DNAJC13: variants seen among roughly 807,000 people sequenced by gnomAD.
DNAJC13 encodes the protein dnaJ homolog subfamily C member 13.
In DNAJC13, 75 loss-of-function variants were observed where a neutral mutation model predicts 290.5. The observed-to-expected ratio is 0.26, with a 90% CI of 0.21 to 0.31. The LOEUF (loss-of-function observed/expected upper bound fraction) is 0.31, where lower values mean the gene tolerates loss of function less well. Ranked by LOEUF, DNAJC13 falls within the 10% of genes least tolerant of loss-of-function variation. DNAJC13 has a pLI of 1.00. For missense variants in DNAJC13, 2,260 were observed against 2,674.5 expected, an observed-to-expected ratio of 0.85 and a Z score of 3.42; for synonymous variants, 862 against 892.0, an observed-to-expected ratio of 0.97 and a Z score of 0.60.
chr3:132,474,097 C>T (rs139703670), intron 21 of DNAJC13, among the ~76,000 whole-genome samples: 2,870 of 152,232 alleles, frequency 0.019, 49 homozygotes, highest in Non-Finnish European at 0.026. Context: ...TGGCAGTTTG[C>T]AGTATTCTTT....
chr3:132,533,412 C>T (rs570380951), intron 55 of DNAJC13, among the ~76,000 whole-genome samples: 19 of 150,230 alleles, frequency 1.3e-4, no homozygotes, highest in African/African-American at 2.5e-4. Flanking sequence ...CTCAGCTCAC[C>T]GCAACCTTTG....
In DNAJC13 at chr3:132,500,342, G is replaced by A. The variant is rs550878076; in HGVS notation, c.4417-452G>A. ...AGTTCCATCCTCTATTTTGAAGTCC[G>A]TTGTGTAAACAGAATTGTGATATTC... On this transcript the variant is annotated intron_variant, in intron 38 of 55. Transcript: ENST00000260818. 5.0e-4 allele frequency among the ~76,000 whole-genome samples: 76 copies of A among 152,268 alleles called. 2 individuals carry two copies. The South Asian group carries it at 0.015, about 30-fold the overall frequency.
intron 5 of DNAJC13, among the ~76,000 whole-genome samples, chr3:132,449,423 A>G (rs1411984358): frequency 6.6e-6 from 1 of 152,198 alleles, no homozygotes; most frequent in Non-Finnish European, 1.5e-5. Context: ...AAGCTCCACA[A>G]TTTTTGTGCC....
chr3:132,494,403 A>T (rs1049755875), intron 34 of DNAJC13, 144 bp downstream of exon 34: 12 of 673,058 alleles, frequency 1.8e-5, no homozygotes, highest in African/African-American at 1.1e-4. Context: ...ATATGGAACT[A>T]TATCTGTGTG....
chr3:132,442,261 TG>T (rs1314775402), intron 2 of DNAJC13, among the ~76,000 whole-genome samples: 2 of 152,102 alleles, frequency 1.3e-5, no homozygotes, highest in Admixed American at 1.3e-4. Context: ...CCTCTCGATG[TG>T]CTGAGATTAC....
intron 55 of DNAJC13, among the ~76,000 whole-genome samples, chr3:132,533,283 C>T (rs1018552097): frequency 8.6e-5 from 13 of 150,872 alleles, no homozygotes; most frequent in Admixed American, 2.0e-4. Flanking sequence ...CTGCCCACTT[C>T]GGCTTCCCAA....
At chr3:132,485,820 G>A (rs1934851808) in intron 29 of DNAJC13, among the ~76,000 whole-genome samples, 2 of 152,062 alleles carry the variant, frequency 1.3e-5, no homozygotes, top group Admixed American at 1.3e-4. Context: ...GCATTATTCT[G>A]CTTTTTTGGA....
chr3:132,520,125 GAC>G (rs146953948), intron 48 of DNAJC13, among the ~76,000 whole-genome samples: 2,097 of 152,278 alleles, frequency 0.014, 47 homozygotes, highest in African/African-American at 0.048. Context: ...TTTGGGTGGT[GAC>G]ACAGCCAAAC....
chr3:132,440,679 A>G (rs951799428), intron 2 of DNAJC13, among the ~76,000 whole-genome samples: 5 of 152,262 alleles, frequency 3.3e-5, no homozygotes, highest in Non-Finnish European at 5.9e-5. Flanking sequence ...TTGTGTAAGT[A>G]CAAAACTAGT....
At chr3:132,537,539 A>G (rs1936634495) in intron 55 of DNAJC13, among the ~76,000 whole-genome samples, 1 of 152,246 alleles carries the variant, frequency 6.6e-6, no homozygotes, top group Admixed American at 6.5e-5. Context: ...ATGCTGGCAT[A>G]TATGGCATTT....
At chr3:132,463,186 T>G (rs941147899) in intron 16 of DNAJC13, among the ~76,000 whole-genome samples, 4 of 152,240 alleles carry the variant, frequency 2.6e-5, no homozygotes, top group African/African-American at 2.4e-5. Flanking sequence ...TGTGCATAAG[T>G]ATAGCACACA....
chr3:132,507,472 G>A, intron 43 of DNAJC13, 119 bp downstream of exon 43: 1 of 637,182 alleles, frequency 1.6e-6, no homozygotes, highest in Non-Finnish European at 2.6e-6. Context: ...TTACTGTGCT[G>A]CTTTTTTTTT....
rs1171814792 is a variant in DNAJC13, at chr3:132,447,481, T to A, written c.294+11T>A. The A allele has an allele frequency of 1.3e-6, 2 of 1,550,402 alleles. No individual in the cohort carries two copies. The highest frequency in any genetic ancestry group is 2.8e-5 in the African/African-American group (2 of 70,536). On this transcript the variant is annotated intron_variant, in intron 4 of 55. Coordinates refer to ENST00000260818, the MANE Select transcript of DNAJC13 (RefSeq NM_015268.4). ...CTTACAGAAGCATTGGTAAGAAGAT[T>A]CCATGTTCATAAATAAAATTTCTTT...
intron 2 of DNAJC13, among the ~76,000 whole-genome samples, chr3:132,440,189 G>T (rs138500966): frequency 1.3e-5 from 2 of 152,182 alleles, no homozygotes; most frequent in African/African-American, 4.8e-5. Flanking sequence ...CCCAGGAGGC[G>T]GAGGTTGCAG....
chr3:132,534,568 C>G (rs996015612), intron 55 of DNAJC13, among the ~76,000 whole-genome samples: 1 of 152,080 alleles, frequency 6.6e-6, no homozygotes, highest in Non-Finnish European at 1.5e-5. Context: ...TCTCTTGAGC[C>G]TAGGAGGTGG....
chr3:132,479,645 A>G (rs1453472788), intron 25 of DNAJC13, among the ~76,000 whole-genome samples: 2 of 152,158 alleles, frequency 1.3e-5, no homozygotes, highest in Non-Finnish European at 2.9e-5. Context: ...CATAAAATGG[A>G]AAGTCTTTAT....
intron 1 of DNAJC13, among the ~76,000 whole-genome samples, chr3:132,427,446 T>C (rs1246979628): frequency 6.6e-6 from 1 of 152,280 alleles, no homozygotes; most frequent in African/African-American, 2.4e-5. Flanking sequence ...AATATTTTTT[T>C]CTTTTTAAAA....
rs1200757505 is a variant in DNAJC13, at chr3:132,505,419, T to A, written c.4998+4T>A. 1 of 1,542,904 alleles carries A rather than the reference T, an allele frequency of 6.5e-7. No individual in the cohort carries two copies. The highest frequency in any genetic ancestry group is 1.8e-5 in the Admixed American group (1 of 56,258). On this transcript the variant is annotated splice_donor_region_variant and intron_variant, in intron 42 of 55. Coordinates refer to ENST00000260818, the MANE Select transcript of DNAJC13 (RefSeq NM_015268.4). ...ACAAGAAAACATGATTAAAAAAGTATGTTATTGTTTTATAAATTTCTTGGG... is the reference window on the plus strand; with the variant it reads ...ACAAGAAAACATGATTAAAAAAGTAAGTTATTGTTTTATAAATTTCTTGGG...
intron 1 of DNAJC13, among the ~76,000 whole-genome samples, chr3:132,422,070 G>GC (rs1938975226): frequency 6.8e-6 from 1 of 147,016 alleles, no homozygotes; most frequent in African/African-American, 2.5e-5. Context: ...TCACTCTGTT[G>GC]CCCAGGCTGG....
Sources: gnomAD v4.1 joint callset for allele counts (sites outside exome capture counted in the v4.1 genomes callset) on GRCh38, gnomAD v4.1.1 for gene constraint, MANE v1.5 for transcripts, NCBI Gene and HGNC (gene_info 2026-07-23, HGNC 2026-07-21) for gene names.